Variants in MYO16 observed in about 807,000 individuals in gnomAD.
MYO16 encodes the protein unconventional myosin-XVI.
Under a neutral mutation model 205.3 loss-of-function variants are expected in MYO16, and 94 were observed. The observed-to-expected ratio is 0.46, with a 90% CI of 0.39 to 0.54. The LOEUF (loss-of-function observed/expected upper bound fraction) is 0.54. MYO16 is among the 20% of genes least tolerant of loss of function. The pLI is 0.00. For synonymous variants in MYO16, 988 were observed against 954.0 expected (o/e 1.04, Z -0.66); for missense variants, 2,315 against 2,387.5 (o/e 0.97, Z 0.63).
chr13:108,670,839 G>A (rs976265973), intron 2 of MYO16, among the ~76,000 whole-genome samples: 8 of 151,958 alleles, frequency 5.3e-5, no homozygotes, highest in Non-Finnish European at 1.2e-4. Flanking sequence ...CCATTTTGGT[G>A]GAATATAATA....
At chr13:108,592,831 G>T (rs1566495401), upstream of MYO16, among the ~76,000 whole-genome samples, 2 of 151,598 alleles carry the variant, frequency 1.3e-5, no homozygotes, top group Non-Finnish European at 2.9e-5. Flanking sequence ...AACAGTACAT[G>T]ATGACAATTA....
At chr13:109,037,620 G>T (rs1034983252) in intron 23 of MYO16, among the ~76,000 whole-genome samples, 1 of 152,020 alleles carries the variant, frequency 6.6e-6, no homozygotes, top group Non-Finnish European at 1.5e-5. Flanking sequence ...CTATGCAAAG[G>T]TAGGTAGGAA....
At chr13:109,010,698 T>C (rs547388932) in intron 22 of MYO16, among the ~76,000 whole-genome samples, 9 of 152,172 alleles carry the variant, frequency 5.9e-5, no homozygotes, top group Admixed American at 2.0e-4. Context: ...GTGTGTCTTG[T>C]GTAAGTTTGT....
chr13:109,053,268 A>C (rs562592168), intron 25 of MYO16, among the ~76,000 whole-genome samples: 1 of 152,208 alleles, frequency 6.6e-6, no homozygotes, highest in African/African-American at 2.4e-5. Context: ...AAGCATAATT[A>C]AATTCAATTC....
chr13:108,657,274 G>A (rs866494476), intron 1 of MYO16, among the ~76,000 whole-genome samples: 3 of 152,034 alleles, frequency 2.0e-5, no homozygotes, highest in Admixed American at 6.6e-5. Flanking sequence ...GCTTTGTTCT[G>A]TGTTCTGTTC....
At chr13:108,537,835 C>T in the MYO16 span, among the ~76,000 whole-genome samples, 11,372 of 151,894 alleles carry the variant, frequency 0.075, 501 homozygotes, top group Admixed American at 0.12. Flanking sequence ...ATGTCCTTTG[C>T]CCACTTTTTA....
At chr13:108,767,251 C>T (rs563879021) in intron 4 of MYO16, among the ~76,000 whole-genome samples, 9 of 152,034 alleles carry the variant, frequency 5.9e-5, no homozygotes, top group African/African-American at 1.7e-4. Flanking sequence ...TACAGGCGCC[C>T]GCCACCATGC....
chr13:108,499,622 T>A, the MYO16 span, among the ~76,000 whole-genome samples: 1 of 152,206 alleles, frequency 6.6e-6, no homozygotes, highest in African/African-American at 2.4e-5. Context: ...TAGGAAGACA[T>A]GACAATAAAC....
At chr13:109,107,081 C>T (rs538611809) in intron 28 of MYO16, among the ~76,000 whole-genome samples, 2 of 152,138 alleles carry the variant, frequency 1.3e-5, no homozygotes, top group Non-Finnish European at 2.9e-5. Context: ...TCCCAAGTAC[C>T]GGCATGATAC....
intron 1 of MYO16, among the ~76,000 whole-genome samples, chr13:108,655,092 G>A (rs1881183423): frequency 6.6e-6 from 1 of 151,892 alleles, no homozygotes; most frequent in Non-Finnish European, 1.5e-5. Context: ...TAAGTAACAA[G>A]CAGCCGAATG....
chr13:108,912,637 T>C (rs916668973), intron 16 of MYO16, among the ~76,000 whole-genome samples: 11 of 152,240 alleles, frequency 7.2e-5, no homozygotes, highest in Admixed American at 2.6e-4. Context: ...TGTGATTTTC[T>C]ACCTTGAACA....
chr13:108,611,972 CTTTTTT>C (rs201871787), intron 1 of MYO16, among the ~76,000 whole-genome samples: 22,445 of 88,522 alleles, frequency 0.25, 833 homozygotes, highest in East Asian at 0.38. Context: ...TTTTTTTTTT[CTTTTTT>C]TTTTTTTTTT....
chr13:108,990,665 A>G (rs3956607), intron 20 of MYO16, among the ~76,000 whole-genome samples: 8,156 of 152,218 alleles, frequency 0.054, 300 homozygotes, highest in African/African-American at 0.092. Context: ...AAATATATTG[A>G]ATGATTTCTT....
chr13:108,971,768 G>A (rs1884021870), intron 20 of MYO16, among the ~76,000 whole-genome samples: 1 of 151,734 alleles, frequency 6.6e-6, no homozygotes, highest in African/African-American at 2.4e-5. Context: ...TTAGTTATTT[G>A]GTTATCCAAG....
chr13:108,606,369 C>T (rs1878958446), intron 1 of MYO16, among the ~76,000 whole-genome samples: 2 of 152,158 alleles, frequency 1.3e-5, no homozygotes, highest in South Asian at 4.1e-4. Context: ...TGTGTGTCAG[C>T]CTCAGGGCCC....
chr13:109,008,953 T>C lies in MYO16; in HGVS notation c.2499T>C (p.Phe833=). ...ACCACTATATCAATGAAGTGCTTTT[T>C]CTCCACGAGCAAGTGGAATGTGTAC... The part of the protein sequence containing the change: ...KMHHYINEVL[F]LHEQVECVQE... Residue 833 remains phenylalanine, a synonymous_variant, in exon 22 of 35, where the codon TTT becomes TTC. Coordinates refer to ENST00000457511, the MANE Select transcript of MYO16 (RefSeq NM_001198950.3). 6.2e-7 allele frequency: 1 copy of C among 1,613,474 alleles called. No homozygotes were observed. The highest frequency in any genetic ancestry group is 8.5e-7 in the Non-Finnish European group (1 of 1,179,652).
chr13:108,531,106 G>A, the MYO16 span, among the ~76,000 whole-genome samples: 7 of 152,134 alleles, frequency 4.6e-5, no homozygotes, highest in Admixed American at 6.5e-5. Context: ...CTGGTGAGGT[G>A]GTTTCCAGGA....
At chr13:108,874,693 CATCATTATTATT>C (rs1171110597) in intron 12 of MYO16, among the ~76,000 whole-genome samples, 204 of 128,786 alleles carry the variant, frequency 1.6e-3, no homozygotes, top group Middle Eastern at 3.8e-3. Context: ...GTTTCATCAT[CATCATTATTATT>C]ATTATTATTA....
At chr13:108,604,736 G>A (rs779583602) in intron 1 of MYO16, among the ~76,000 whole-genome samples, 18 of 152,102 alleles carry the variant, frequency 1.2e-4, no homozygotes, top group South Asian at 2.1e-4. Context: ...TTTATTTTAC[G>A]GAAGGGTTTT....
Sources: gnomAD v4.1 joint callset for allele counts (sites outside exome capture counted in the v4.1 genomes callset) on GRCh38, gnomAD v4.1.1 for gene constraint, MANE v1.5 for transcripts, NCBI Gene and HGNC (gene_info 2026-07-23, HGNC 2026-07-21) for gene names.